The following DST variants were observed in gnomAD, a reference collection of about 807,000 sequenced individuals.
The protein encoded by DST is bullous pemphigoid antigen.
Under a neutral mutation model 875.2 loss-of-function variants are expected in DST, and 253 were observed. The observed-to-expected ratio is 0.29, with a 90% CI of 0.26 to 0.32. The LOEUF is 0.32. Among genes scored for constraint, DST ranks in the 10% least tolerant of loss-of-function variants. The pLI is 1.00. For missense variants in DST, 8,287 were observed against 9,111.6 expected, an observed-to-expected ratio of 0.91 and a Z score of 3.68; for synonymous variants, 3,124 against 3,197.1, an observed-to-expected ratio of 0.98 and a Z score of 0.77.
At chr6:56,782,744 G>A (rs1411626261) in intron 4 of DST, among the ~76,000 whole-genome samples, 8 of 151,950 alleles carry the variant, frequency 5.3e-5, no homozygotes, top group South Asian at 2.1e-4. Flanking sequence ...TCTGATTTTC[G>A]TTATTTCTTG....
rs192015183 is a variant in DST at position 56,592,264 on chromosome 6, C to A, written c.12821G>T (p.Cys4274Phe). The A allele has an allele frequency of 2.5e-5, 40 of 1,612,968 alleles. No homozygotes were observed. Among genetic ancestry groups the A allele is most frequent in the Admixed American group, 2.3e-4 (14 of 59,924 alleles). ...SCGLLAGLQACEATASKHLSE... is the reference protein window; with the variant it reads ...SCGLLAGLQAFEATASKHLSE... ...TAAGTGTTTGCTCGCTGTGGCCTCACAGGCCTGGAGTCCAGCAAGAAGTCC... is the reference window on the plus strand; with the variant it reads ...TAAGTGTTTGCTCGCTGTGGCCTCAAAGGCCTGGAGTCCAGCAAGAAGTCC... Residue 4274 changes from cysteine to phenylalanine, a missense_variant, in exon 49 of 104, where the codon TGT (cysteine) becomes TTT (phenylalanine). Coordinates refer to ENST00000680361, the MANE Select transcript of DST (RefSeq NM_001374736.1).
At chr6:56,600,657 A>T (rs2098438071) in intron 44 of DST, among the ~76,000 whole-genome samples, 1 of 152,112 alleles carries the variant, frequency 6.6e-6, no homozygotes, top group South Asian at 2.1e-4. Flanking sequence ...GCTTCAAGAA[A>T]TAATAAAAGG....
intron 66 of DST, 108 bp from the exon 67 acceptor site, chr6:56,529,033 G>A (rs2096850896): frequency 1.3e-6 from 1 of 746,262 alleles, no homozygotes. Flanking sequence ...ACATATTTGA[G>A]TAAATATCTC....
intron 55 of DST, among the ~76,000 whole-genome samples, chr6:56,567,233 C>T (rs1474853): frequency 0.37 from 56,676 of 151,842 alleles, 10,884 homozygotes; most frequent in Admixed American, 0.43. Context: ...TAGTATCTAT[C>T]GGCTATGTAT....
At chr6:56,652,974 T>C (rs774473672) in intron 10 of DST, among the ~76,000 whole-genome samples, 10 of 152,160 alleles carry the variant, frequency 6.6e-5, no homozygotes, top group Non-Finnish European at 1.0e-4. Context: ...CAAAAACAAA[T>C]ATCTGAAGTT....
intron 4 of DST, among the ~76,000 whole-genome samples, chr6:56,744,074 A>G (rs561062299): frequency 6.6e-6 from 1 of 151,932 alleles, no homozygotes; most frequent in South Asian, 2.1e-4. Flanking sequence ...GCTTGAGCCC[A>G]GAAGGCGGAG....
At chr6:56,744,135 G>C (rs2099560129) in intron 4 of DST, among the ~76,000 whole-genome samples, 1 of 148,572 alleles carries the variant, frequency 6.7e-6, no homozygotes, top group Non-Finnish European at 1.5e-5. Context: ...GGCGACAAGA[G>C]TGAAACTCTG....
chr6:56,565,378 A>G (rs1004334955), intron 55 of DST, among the ~76,000 whole-genome samples: 2 of 151,952 alleles, frequency 1.3e-5, no homozygotes, highest in African/African-American at 4.8e-5. Context: ...CTTGGCCTCC[A>G]AAAGTGCTGG....
chr6:56,649,062 T>C (rs2098960108), intron 12 of DST, among the ~76,000 whole-genome samples: 1 of 152,208 alleles, frequency 6.6e-6, no homozygotes, highest in Admixed American at 6.5e-5. Context: ...ATAAGCCAAG[T>C]TAGTTGCCAT....
intron 2 of DST, among the ~76,000 whole-genome samples, chr6:56,903,166 T>TTC (rs1260732071): frequency 1.3e-5 from 2 of 152,158 alleles, no homozygotes; most frequent in African/African-American, 4.8e-5. Flanking sequence ...AATAGTGGAG[T>TTC]AAGTTCAGTA....
chr6:56,615,149 G>T (rs367689031), intron 36 of DST: 1 of 1,074,760 alleles, frequency 9.3e-7, no homozygotes, highest in Non-Finnish European at 1.1e-6. Context: ...CTCTTTCAGC[G>T]AGTGCAATTT....
chr6:56,578,016 A>G (rs2097901433), intron 50 of DST, among the ~76,000 whole-genome samples: 1 of 152,022 alleles, frequency 6.6e-6, no homozygotes, highest in Admixed American at 6.6e-5. Flanking sequence ...AAGTCTTCCC[A>G]CTTCTCTGTG....
rs772516897 is a variant in DST, at chr6:56,618,543, G to C, written c.4930-4059C>G. 2.5e-6 allele frequency: 4 copies of C among 1,614,114 alleles called. No homozygotes were observed. The East Asian group carries it at 6.7e-5, about 27-fold the overall frequency. ...TTCTGGGCTATCAGCTCATCCTCAAGTTTCTGACATTTTTGGTAATGATTT... is the reference window on the plus strand; with the variant it reads ...TTCTGGGCTATCAGCTCATCCTCAACTTTCTGACATTTTTGGTAATGATTT... On this transcript the variant is annotated intron_variant, in intron 36 of 103. Coordinates refer to ENST00000680361, the MANE Select transcript of DST (RefSeq NM_001374736.1).
rs528817575 is a variant in DST at position 56,817,666 on chromosome 6, T to C, written c.625+33731A>G. Among the ~76,000 whole-genome samples, 24 of 152,256 alleles carry C rather than the reference T, an allele frequency of 1.6e-4. No individual in the cohort carries two copies. In the South Asian group the frequency reaches 3.7e-3, roughly 24 times the overall value. Reference sequence around the variant, plus strand: ...TCATATTTTTATGTGTTAAAGGAAATCATGATGATTTCTCTAAAGGTTGCA... The same window carrying C: ...TCATATTTTTATGTGTTAAAGGAAACCATGATGATTTCTCTAAAGGTTGCA... On this transcript the variant is annotated intron_variant, in intron 4 of 103. Transcript: ENST00000680361.
chr6:56,641,115 C>CAGAGAGAGAGAGAGAGAG (rs145412096), intron 17 of DST, among the ~76,000 whole-genome samples: 124 of 142,614 alleles, frequency 8.7e-4, no homozygotes, highest in African/African-American at 3.1e-3. Context: ...TATTTATGCA[C>CAGAGAGAGAGAGAGAGAG]AGAGAGAGAG....
At chr6:56,796,464 TC>T (rs1257890129) in intron 4 of DST, among the ~76,000 whole-genome samples, 2 of 152,178 alleles carry the variant, frequency 1.3e-5, no homozygotes, top group Non-Finnish European at 2.9e-5. Flanking sequence ...AGCTAAATGT[TC>T]TTCTTCCAGA....
At chr6:56,643,072 G>C in intron 15 of DST, 1 of 508,276 alleles carries the variant, frequency 2.0e-6, no homozygotes, top group South Asian at 2.4e-5. Context: ...GGCAGATTGG[G>C]CGTCACTGGA....
chr6:56,865,089 G>C (rs546232683), intron 3 of DST, among the ~76,000 whole-genome samples: 1 of 152,254 alleles, frequency 6.6e-6, no homozygotes, highest in Non-Finnish European at 1.5e-5. Context: ...AAGCTGCCTA[G>C]ATCACAATTT....
At chr6:56,931,692 G>C (rs1256842160) in intron 2 of DST, among the ~76,000 whole-genome samples, 1 of 152,218 alleles carries the variant, frequency 6.6e-6, no homozygotes, top group Non-Finnish European at 1.5e-5. Flanking sequence ...GTGAGACCTG[G>C]AGTCACAGAA....
Sources: gnomAD v4.1 joint callset for allele counts (sites outside exome capture counted in the v4.1 genomes callset) on GRCh38, gnomAD v4.1.1 for gene constraint, MANE v1.5 for transcripts, NCBI Gene and HGNC (gene_info 2026-07-23, HGNC 2026-07-21) for gene names.